TMEM50B: variants seen among roughly 807,000 people sequenced by gnomAD.
TMEM50B encodes transmembrane protein 50B, also known as HCV p7-trans-regulated protein 3.
A neutral mutation model predicts 23.4 loss-of-function variants in TMEM50B; 14 were observed. That is an observed-to-expected ratio of 0.60 (90% CI 0.39 to 0.93). TMEM50B has a LOEUF of 0.93. TMEM50B is among the 40% of genes least tolerant of loss of function. The pLI, the probability that TMEM50B is intolerant of heterozygous loss-of-function variation, is 0.00. For synonymous variants in TMEM50B, 64 were observed against 62.3 expected, an observed-to-expected ratio of 1.03 and a Z score of -0.13; for missense variants, 159 against 193.0, an observed-to-expected ratio of 0.82 and a Z score of 1.04.
intron 7 of TMEM50B, among the ~76,000 whole-genome samples, chr21:33,442,152 G>A (rs991629675): frequency 2.0e-5 from 3 of 152,058 alleles, no homozygotes; most frequent in African/African-American, 4.8e-5. Context: ...TTTGAGATGA[G>A]AACATCCCCA....
intron 8 of TMEM50B, among the ~76,000 whole-genome samples, chr21:33,438,790 C>T (rs922014424): frequency 4.0e-5 from 6 of 151,468 alleles, no homozygotes; most frequent in Non-Finnish European, 5.9e-5. Flanking sequence ...AGCGCAGTGG[C>T]GCGATCTCAG....
chr21:33,437,595 G>A (rs925701033), intron 8 of TMEM50B: 2 of 152,406 alleles, frequency 1.3e-5, no homozygotes, highest in African/African-American at 4.8e-5. Context: ...ATCTAAACTT[G>A]TTTTTTCTTA....
chr21:33,446,270 T>C (rs565762637), downstream of TMEM50B, among the ~76,000 whole-genome samples: 1 of 150,848 alleles, frequency 6.6e-6, no homozygotes, highest in African/African-American at 2.4e-5. Flanking sequence ...ACAGTCTTGC[T>C]CTGTTGCCCA....
rs1394718552 is a variant in TMEM50B at position 33,463,821 on chromosome 21, G to A, written c.280+1521C>T. ...TAATCACAGCTACTTGAGAAACTGAGGCAGGAGGATCACTCGAGCCCAGGC... is the reference window on the plus strand; with the variant it reads ...TAATCACAGCTACTTGAGAAACTGAAGCAGGAGGATCACTCGAGCCCAGGC... On this transcript the variant is annotated intron_variant, in intron 4 of 6. Transcript: ENST00000542230. Among the ~76,000 whole-genome samples, 6 of 152,124 alleles carry A rather than the reference G, an allele frequency of 3.9e-5. No individual in the cohort carries two copies. In the East Asian group the frequency reaches 1.2e-3, roughly 29 times the overall value.
chr21:33,470,997 C>T (rs2123454790), intron 1 of TMEM50B, among the ~76,000 whole-genome samples: 1 of 152,208 alleles, frequency 6.6e-6, no homozygotes, highest in South Asian at 2.1e-4. Context: ...CACAAAGTGG[C>T]CACAGTGGCA....
rs560604280 is a variant in TMEM50B at position 33,459,473 on chromosome 21, C to G, written c.373+940G>C. On this transcript the variant is annotated intron_variant, in intron 5 of 6. Coordinates refer to ENST00000542230, the MANE Select transcript of TMEM50B (RefSeq NM_006134.7). ...TTGAGGTCAGGAGTTTGAGACCAGCCTGGCCAACATGGTGAAACCCTGTCT... is the reference window on the plus strand; with the variant it reads ...TTGAGGTCAGGAGTTTGAGACCAGCGTGGCCAACATGGTGAAACCCTGTCT... 1.4e-4 allele frequency among the ~76,000 whole-genome samples: 22 copies of G among 152,132 alleles called. No individual in the cohort carries two copies. In the South Asian group the frequency reaches 4.4e-3, roughly 30 times the overall value.
At chr21:33,478,330 G>A (rs147220626) in intron 1 of TMEM50B, among the ~76,000 whole-genome samples, 3,701 of 151,700 alleles carry the variant, frequency 0.024, 56 homozygotes, top group Non-Finnish European at 0.027. Context: ...AGCCAGGCAT[G>A]GTGGCAGGCG....
Position 33,435,177 on chromosome 21 carries a change from A to C in TMEM50B, c.*2121-2375T>G, listed in dbSNP as rs937678099. Among the ~76,000 whole-genome samples the C allele has an allele frequency of 2.0e-5, 3 of 152,308 alleles. No individual in the cohort carries two copies. In the South Asian group the frequency reaches 6.2e-4, roughly 32 times the overall value. ...GGCTAAGCCTAAAGCCTGCGGGAGC[A>C]AAAGGGAAATTAATCGCTGGGAAAC... On this transcript the variant is annotated intron_variant and NMD_transcript_variant, in intron 8 of 8. Transcript: ENST00000420455.
intron 8 of TMEM50B, among the ~76,000 whole-genome samples, chr21:33,435,915 G>C (rs909020787): frequency 7.5e-6 from 1 of 133,454 alleles, no homozygotes; most frequent in Non-Finnish European, 1.6e-5. Flanking sequence ...AAATTAGCCA[G>C]CCGTGGTGGT....
At chr21:33,443,750 G>A (rs907325001) in intron 7 of TMEM50B, among the ~76,000 whole-genome samples, 1 of 152,162 alleles carries the variant, frequency 6.6e-6, no homozygotes, top group Non-Finnish European at 1.5e-5. Flanking sequence ...TGTTTGGGGG[G>A]AAATATACAC....
intron 6 of TMEM50B, among the ~76,000 whole-genome samples, chr21:33,452,339 TAC>T (rs2084129583): frequency 6.6e-6 from 1 of 152,298 alleles, no homozygotes; most frequent in Admixed American, 6.5e-5. Context: ...CCATGCAGCG[TAC>T]AGACAGCCAC....
chr21:33,459,510 A>G (rs985639942), intron 5 of TMEM50B, among the ~76,000 whole-genome samples: 5 of 152,034 alleles, frequency 3.3e-5, no homozygotes, highest in Admixed American at 3.3e-4. Context: ...TACTAAAAAA[A>G]TACAAAAATT....
At chr21:33,445,011 C>CTACTT (rs2084040443), downstream of TMEM50B, among the ~76,000 whole-genome samples, 2 of 148,568 alleles carry the variant, frequency 1.3e-5, no homozygotes, top group Non-Finnish European at 3.0e-5. Context: ...TGCACCTGAG[C>CTACTT]TACTTGGAAG....
intron 1 of TMEM50B, among the ~76,000 whole-genome samples, chr21:33,475,033 T>C (rs1381431137): frequency 6.7e-6 from 1 of 150,080 alleles, no homozygotes; most frequent in Non-Finnish European, 1.5e-5. Context: ...TTCAAGCAAT[T>C]CTCCTGCCTC....
chr21:33,478,964 T>C (rs973900367), intron 1 of TMEM50B: 1 of 367,952 alleles, frequency 2.7e-6, no homozygotes, highest in African/African-American at 2.1e-5. Context: ...TGTAAGACGA[T>C]GCGGATGCCA....
chr21:33,444,162 AAGCACTGAGATATAGGCGTG>A (rs2084032382), downstream of TMEM50B, among the ~76,000 whole-genome samples: 1 of 125,446 alleles, frequency 8.0e-6, no homozygotes, highest in Non-Finnish European at 1.6e-5. Context: ...TGGCCTCCCA[AAGCACTGAGATATAGGCGTG>A]AGCACCATGC....
chr21:33,475,278 G>A (rs1213329979), intron 1 of TMEM50B, among the ~76,000 whole-genome samples: 3 of 152,070 alleles, frequency 2.0e-5, no homozygotes, highest in Non-Finnish European at 4.4e-5. Flanking sequence ...CATTGCAATA[G>A]TATTCTTTAA....
chr21:33,439,470 T>TGAA (rs1463729399), intron 7 of TMEM50B, among the ~76,000 whole-genome samples: 1 of 151,884 alleles, frequency 6.6e-6, no homozygotes, highest in African/African-American at 2.4e-5. Flanking sequence ...ACCTCTGCCT[T>TGAA]CCGGGTTCAA....
intron 5 of TMEM50B, among the ~76,000 whole-genome samples, chr21:33,459,667 C>CAA (rs34183635): frequency 0.078 from 9,712 of 123,778 alleles, 553 homozygotes; most frequent in East Asian, 0.16. Context: ...GACTCCGTCT[C>CAA]AAAAAAAAAA....
Sources: allele counts gnomAD v4.1 joint callset (sites outside exome capture counted in the v4.1 genomes callset), GRCh38; gene constraint gnomAD v4.1.1; transcripts MANE v1.5; gene names NCBI Gene and HGNC (gene_info 2026-07-23, HGNC 2026-07-21).